Variants in CLOCK observed in about 807,000 individuals in gnomAD.
CLOCK encodes circadian locomoter output cycles protein kaput.
A neutral mutation model predicts 118.4 loss-of-function variants in CLOCK; 43 were observed. That is an observed-to-expected ratio of 0.36 (90% CI 0.28 to 0.47). The LOEUF (loss-of-function observed/expected upper bound fraction) is 0.47. Among genes scored for constraint, CLOCK ranks in the 20% least tolerant of loss-of-function variants. CLOCK has a pLI of 1.00. For missense variants in CLOCK, 846 were observed against 999.9 expected, an observed-to-expected ratio of 0.85 and a Z score of 2.08; for synonymous variants, 326 against 339.2, an observed-to-expected ratio of 0.96 and a Z score of 0.43.
intron 7 of CLOCK, among the ~76,000 whole-genome samples, chr4:55,474,630 C>T (rs1417762703): frequency 1.3e-5 from 2 of 152,152 alleles, no homozygotes; most frequent in Admixed American, 6.5e-5. Context: ...TTGTCAGGGG[C>T]AAATGCAGCT....
At chr4:55,528,448 G>T (rs1730339678) in intron 1 of CLOCK, among the ~76,000 whole-genome samples, 1 of 152,056 alleles carries the variant, frequency 6.6e-6, no homozygotes, top group Non-Finnish European at 1.5e-5. Flanking sequence ...AGAAACCTGG[G>T]GAGTGAATGA....
chr4:55,513,478 CTCTAT>C (rs1729293791), intron 1 of CLOCK, among the ~76,000 whole-genome samples: 1 of 152,142 alleles, frequency 6.6e-6, no homozygotes, highest in African/African-American at 2.4e-5. Context: ...TTCCTGGTCT[CTCTAT>C]TCTGTTCCAC....
intron 1 of CLOCK, among the ~76,000 whole-genome samples, chr4:55,510,956 T>G (rs887510335): frequency 1.3e-5 from 2 of 152,144 alleles, no homozygotes; most frequent in East Asian, 3.9e-4. Flanking sequence ...TTTAAACCCT[T>G]ACCACTTGAC....
At chr4:55,442,263 T>A in intron 21 of CLOCK, 169 bp downstream of exon 21, 1 of 647,472 alleles carries the variant, frequency 1.5e-6, no homozygotes, top group Non-Finnish European at 2.6e-6. Flanking sequence ...AATTATGAAG[T>A]CTTTAAACAA....
chr4:55,486,319 T>A (rs1044116429), intron 3 of CLOCK: 3 of 152,188 alleles, frequency 2.0e-5, no homozygotes, highest in African/African-American at 7.2e-5. Flanking sequence ...ATTCTACCAA[T>A]TTCACCTTCT....
At chr4:55,536,994 G>A (rs1325386123) in intron 1 of CLOCK, among the ~76,000 whole-genome samples, 1 of 152,066 alleles carries the variant, frequency 6.6e-6, no homozygotes, top group Admixed American at 6.6e-5. Context: ...TATATTCTAG[G>A]CCATAAAATA....
chr4:55,493,156 C>T (rs1727839871), intron 2 of CLOCK, among the ~76,000 whole-genome samples: 2 of 152,090 alleles, frequency 1.3e-5, no homozygotes, highest in Admixed American at 6.6e-5. Flanking sequence ...AAAACACAAC[C>T]TGTTATCTAT....
At position 55,470,767 on chromosome 4, in the gene CLOCK, T is replaced by C. The variant is rs1472525407; in HGVS notation, c.388A>G (p.Ser130Gly). The change falls in exon 8 of 23, where the codon AGC (serine) becomes GGC (glycine). Residue 130 changes from serine (S) to glycine (G), a missense_variant. By Grantham distance (56) the Ser-to-Gly change is moderately conservative. This residue lies in a region of CLOCK where 246 missense variants were observed against 300.2 expected (regional missense o/e 0.82). Coordinates refer to ENST00000513440, the MANE Select transcript of CLOCK (RefSeq NM_004898.4). ...ACACTCTCAGACACATATATTATGCTTCCATCTGTCATGATTGCTAAAAAA... is the reference window on the plus strand; with the variant it reads ...ACACTCTCAGACACATATATTATGCCTCCATCTGTCATGATTGCTAAAAAA... ...GFFLAIMTDG[S>G]IIYVSESVTS... 2 of 1,612,392 alleles carry C rather than the reference T, an allele frequency of 1.2e-6. No individual in the cohort carries two copies. The highest frequency in any genetic ancestry group is 1.7e-6 in the Non-Finnish European group (2 of 1,178,868).
At chr4:55,439,472 C>T (rs11133378) in intron 21 of CLOCK, among the ~76,000 whole-genome samples, 51,342 of 151,944 alleles carry the variant, frequency 0.34, 9,373 homozygotes, top group East Asian at 0.58. Context: ...TCAAAAAATT[C>T]ACTATAGGAT....
intron 1 of CLOCK, among the ~76,000 whole-genome samples, chr4:55,534,434 A>C (rs1016895651): frequency 7.2e-5 from 11 of 152,196 alleles, no homozygotes; most frequent in African/African-American, 2.7e-4. Flanking sequence ...TCAACAGCAC[A>C]CAGTCTATGT....
chr4:55,477,995 A>G (rs1200333360), intron 6 of CLOCK, among the ~76,000 whole-genome samples: 2 of 152,050 alleles, frequency 1.3e-5, no homozygotes, highest in Non-Finnish European at 2.9e-5. Context: ...TAACAAAAAC[A>G]CTTTCAACGA....
chr4:55,482,915 A>T, intron 3 of CLOCK, 87 bp from the exon 4 acceptor site: 1 of 602,786 alleles, frequency 1.7e-6, no homozygotes, highest in Non-Finnish European at 2.9e-6. Context: ...ATATGTTATC[A>T]CAGAGACTTC....
intron 11 of CLOCK, among the ~76,000 whole-genome samples, chr4:55,458,604 ACTTTC>A (rs1291106049): frequency 6.6e-6 from 1 of 152,182 alleles, no homozygotes; most frequent in African/African-American, 2.4e-5. Context: ...AGATTTTTGG[ACTTTC>A]CCTTTTAATA....
chr4:55,500,878 G>A (rs1056278676), intron 2 of CLOCK, among the ~76,000 whole-genome samples: 3 of 151,936 alleles, frequency 2.0e-5, no homozygotes, highest in African/African-American at 7.3e-5. Flanking sequence ...TTGAGACAGG[G>A]TCTTATTCTG....
chr4:55,442,939 A>C (rs1489579540), intron 20 of CLOCK, among the ~76,000 whole-genome samples: 3 of 152,052 alleles, frequency 2.0e-5, no homozygotes, highest in Admixed American at 2.0e-4. Context: ...ATTAGTGGGC[A>C]TTTTTCTATT....
intron 1 of CLOCK, among the ~76,000 whole-genome samples, chr4:55,541,426 G>C (rs1268573967): frequency 2.0e-5 from 3 of 152,174 alleles, no homozygotes; most frequent in Admixed American, 2.0e-4. Flanking sequence ...TTTACTTTAT[G>C]CATCTGTAAA....
chr4:55,470,791 A>T lies in CLOCK; in HGVS notation c.364T>A (p.Phe122Ile). The T allele has an allele frequency of 6.2e-7, 1 of 1,610,924 alleles. No individual in the cohort carries two copies. Among genetic ancestry groups the T allele is most frequent in the Non-Finnish European group, 8.5e-7 (1 of 1,177,812 alleles). ...CTTCCATCTGTCATGATTGCTAAAAAAAAACCATCAAGAGCCTGAAATTAA... is the reference window on the plus strand; with the variant it reads ...CTTCCATCTGTCATGATTGCTAAAATAAAACCATCAAGAGCCTGAAATTAA... Reference protein sequence around the residue: ...QLMLEALDGFFLAIMTDGSII... With the variant: ...QLMLEALDGFILAIMTDGSII... Residue 122 changes from phenylalanine to isoleucine, a missense_variant, in exon 8 of 23, where the codon TTT becomes ATT. By Grantham distance (21) the Phe-to-Ile change is conservative (BLOSUM62 0). Transcript: ENST00000513440.
intron 8 of CLOCK, among the ~76,000 whole-genome samples, chr4:55,466,482 A>C (rs1032629127): frequency 6.6e-6 from 1 of 152,154 alleles, no homozygotes; most frequent in African/African-American, 2.4e-5. Flanking sequence ...TATTAATAGG[A>C]ACTAAAATTT....
intron 2 of CLOCK, among the ~76,000 whole-genome samples, chr4:55,493,092 C>A (rs1008237868): frequency 1.3e-5 from 2 of 151,194 alleles, no homozygotes; most frequent in African/African-American, 4.9e-5. Context: ...TTTTCTTTTT[C>A]TTTTAATTGT....
Sources: gnomAD v4.1 joint callset for allele counts (sites outside exome capture counted in the v4.1 genomes callset) on GRCh38, gnomAD v4.1.1 for gene constraint, gnomAD v4.1.1 regional missense constraint, MANE v1.5 for transcripts, NCBI Gene and HGNC (gene_info 2026-07-23, HGNC 2026-07-21) for gene names.